The following DRC11 variants were observed in gnomAD, a reference collection of about 807,000 sequenced individuals.
DRC11 encodes the protein IQ and AAA domain-containing protein 1.
chr2:236,420,089 T>C, the DRC11 span, among the ~76,000 whole-genome samples: 2 of 152,192 alleles, frequency 1.3e-5, no homozygotes, highest in African/African-American at 4.8e-5. This position sits in a 1 kb window ranked among gnomAD's most constrained non-coding sequence, Gnocchi z 4.8. Flanking sequence ...TCTCCGTACA[T>C]AGCACTTAGG....
At chr2:236,388,537 A>G in the DRC11 span, among the ~76,000 whole-genome samples, 1 of 150,654 alleles carries the variant, frequency 6.6e-6, no homozygotes, top group Non-Finnish European at 1.5e-5. Context: ...ACTTCTCTGG[A>G]TTGGTTATTC....
chr2:236,482,915 C>T, the DRC11 span, among the ~76,000 whole-genome samples: 7 of 152,040 alleles, frequency 4.6e-5, no homozygotes, highest in African/African-American at 1.7e-4. The surrounding 1 kb of genome is among the most constrained non-coding windows in gnomAD (Gnocchi z 4.5). Context: ...TAAAACATAC[C>T]AGTCTAACTA....
chr2:236,364,416 T>C, the DRC11 span, among the ~76,000 whole-genome samples: 2 of 152,082 alleles, frequency 1.3e-5, no homozygotes, highest in Admixed American at 6.5e-5. Flanking sequence ...TTTATTTCCT[T>C]GCACCCCTCT....
chr2:236,331,476 G>A, the DRC11 span: 3 of 1,613,904 alleles, frequency 1.9e-6, no homozygotes, highest in East Asian at 2.2e-5. This position sits in a 1 kb window ranked among gnomAD's most constrained non-coding sequence, Gnocchi z 4.8. Context: ...CTGTGAGCAC[G>A]CCTTTAACCA....
the DRC11 span, among the ~76,000 whole-genome samples, chr2:236,354,231 T>TGC: frequency 1.0e-4 from 6 of 58,206 alleles, no homozygotes; most frequent in African/African-American, 5.4e-4. Context: ...CATGTGCGTA[T>TGC]GTTAGTATGA....
At chr2:236,428,838 C>T in the DRC11 span, among the ~76,000 whole-genome samples, 2 of 152,140 alleles carry the variant, frequency 1.3e-5, no homozygotes, top group Non-Finnish European at 2.9e-5. Context: ...TTCCTGATTT[C>T]ATTAACTAGT....
the DRC11 span, chr2:236,465,599 G>A: frequency 3.1e-6 from 5 of 1,613,964 alleles, no homozygotes; most frequent in Non-Finnish European, 4.2e-6. This position sits in a 1 kb window ranked among gnomAD's most constrained non-coding sequence, Gnocchi z 6.2. Flanking sequence ...ATGGTAACCA[G>A]GGCTTCCCTG....
the DRC11 span, among the ~76,000 whole-genome samples, chr2:236,336,422 C>T: frequency 3.4e-5 from 2 of 58,154 alleles, no homozygotes; most frequent in Non-Finnish European, 3.7e-5. The surrounding 1 kb of genome is among the most constrained non-coding windows in gnomAD (Gnocchi z 7.3). Context: ...TGACCACCAC[C>T]ACCACTGCCA....
the DRC11 span, among the ~76,000 whole-genome samples, chr2:236,379,949 C>A: frequency 6.6e-6 from 1 of 152,268 alleles, no homozygotes; most frequent in East Asian, 1.9e-4. Context: ...TTAATAAGAC[C>A]TATGGGAAGA....
the DRC11 span, among the ~76,000 whole-genome samples, chr2:236,371,617 T>A: frequency 6.6e-6 from 1 of 152,208 alleles, no homozygotes; most frequent in East Asian, 1.9e-4. This position sits in a 1 kb window ranked among gnomAD's most constrained non-coding sequence, Gnocchi z 5.1. Flanking sequence ...CACCTTGTCC[T>A]GGTTTTATGG....
At chr2:236,394,989 G>GAA in the DRC11 span, among the ~76,000 whole-genome samples, 1 of 152,338 alleles carries the variant, frequency 6.6e-6, no homozygotes, top group South Asian at 2.1e-4. The surrounding 1 kb of genome is among the most constrained non-coding windows in gnomAD (Gnocchi z 7.0). Flanking sequence ...ATTTCTTTCA[G>GAA]AATGGCTAAT....
chr2:236,406,008 G>A, the DRC11 span, among the ~76,000 whole-genome samples: 3 of 152,176 alleles, frequency 2.0e-5, no homozygotes, highest in Non-Finnish European at 4.4e-5. The surrounding 1 kb of genome is among the most constrained non-coding windows in gnomAD (Gnocchi z 4.7). Context: ...GGGGACTAGT[G>A]CATATTTAAA....
the DRC11 span, among the ~76,000 whole-genome samples, chr2:236,388,015 T>C: frequency 6.6e-6 from 1 of 152,196 alleles, no homozygotes; most frequent in Non-Finnish European, 1.5e-5. Context: ...CTTGTAGGGT[T>C]TCTGCCGAGA....
At chr2:236,414,345 A>G in the DRC11 span, among the ~76,000 whole-genome samples, 359 of 152,272 alleles carry the variant, frequency 2.4e-3, 2 homozygotes, top group African/African-American at 8.4e-3. Context: ...TTAATCTCAA[A>G]GCTTCATAGT....
chr2:236,454,687 T>C, the DRC11 span: 2 of 152,230 alleles, frequency 1.3e-5, no homozygotes, highest in Non-Finnish European at 1.5e-5. This position sits in a 1 kb window ranked among gnomAD's most constrained non-coding sequence, Gnocchi z 5.3. Context: ...CATACAGCCA[T>C]GGTCCTCAGA....
the DRC11 span, among the ~76,000 whole-genome samples, chr2:236,413,234 T>C: frequency 6.6e-6 from 1 of 152,178 alleles, no homozygotes; most frequent in South Asian, 2.1e-4. This position sits in a 1 kb window ranked among gnomAD's most constrained non-coding sequence, Gnocchi z 4.0. Context: ...ACACACCTTT[T>C]CCCCAGAGAA....
the DRC11 span, among the ~76,000 whole-genome samples, chr2:236,468,187 G>A: frequency 6.6e-6 from 1 of 152,124 alleles, no homozygotes; most frequent in African/African-American, 2.4e-5. Flanking sequence ...TGCCTCCCGG[G>A]CCCAAGTGGT....
the DRC11 span, among the ~76,000 whole-genome samples, chr2:236,479,714 A>T: frequency 1.3e-5 from 2 of 152,208 alleles, no homozygotes; most frequent in Non-Finnish European, 2.9e-5. The surrounding 1 kb of genome is among the most constrained non-coding windows in gnomAD (Gnocchi z 4.1). Flanking sequence ...TGCTGTAGTT[A>T]CTGTTAATTT....
the DRC11 span, among the ~76,000 whole-genome samples, chr2:236,333,515 A>G: frequency 2.0e-5 from 3 of 152,160 alleles, no homozygotes; most frequent in South Asian, 2.1e-4. This position sits in a 1 kb window ranked among gnomAD's most constrained non-coding sequence, Gnocchi z 6.0. Context: ...GGAAGCTGAG[A>G]AGGGAACATG....
Sources: allele counts gnomAD v4.1 joint callset (sites outside exome capture counted in the v4.1 genomes callset), GRCh38; gene constraint gnomAD v4.1.1; non-coding constraint Gnocchi (gnomAD v3.1); transcripts MANE v1.5; gene names NCBI Gene and HGNC (gene_info 2026-07-23, HGNC 2026-07-21).